Variants in C12orf54 observed in about 807,000 individuals in gnomAD.
The protein encoded by C12orf54 is uncharacterized protein C12orf54.
Under a neutral mutation model 26.4 loss-of-function variants are expected in C12orf54, and 24 were observed. The ratio of observed to expected loss-of-function variants is 0.91; its 90% CI spans 0.66 to 1.28. C12orf54 has a LOEUF of 1.28. C12orf54 is among the 50% of genes most tolerant of loss of function. C12orf54 has a pLI of 0.00. For synonymous variants in C12orf54, 54 were observed against 47.0 expected, an observed-to-expected ratio of 1.15 and a Z score of -0.61; for missense variants, 154 against 150.9, an observed-to-expected ratio of 1.02 and a Z score of -0.11.
Position 48,494,877 on chromosome 12 carries a change from G to A in C12orf54, c.322G>A (p.Gly108Ser), listed in dbSNP as rs1427188756. The A allele has an allele frequency of 3.1e-6, 5 of 1,613,132 alleles. No individual in the cohort carries two copies. Among genetic ancestry groups the A allele is most frequent in the East Asian group, 4.5e-5 (2 of 44,890 alleles). ...CAGCTCTGGAGAGCAGCCATCAGGA[G>A]GCCGTATCCACAACCTGAAGACACA... ...QFSSGEQPSG[G>S]RIHNLKTQLF... Residue 108 changes from glycine to serine, a missense_variant, in exon 8 of 9, where the codon GGC becomes AGC. Gly to Ser is a moderately conservative substitution (Grantham distance 56, BLOSUM62 0). Transcript: ENST00000548364.
At chr12:48,465,957 G>T in the C12orf54 span, among the ~76,000 whole-genome samples, 9 of 152,004 alleles carry the variant, frequency 5.9e-5, no homozygotes, top group East Asian at 1.7e-3. Context: ...AGAACTAAAA[G>T]TAAAGCCTAA....
At chr12:48,454,473 G>A in the C12orf54 span, among the ~76,000 whole-genome samples, 3 of 152,100 alleles carry the variant, frequency 2.0e-5, no homozygotes, top group African/African-American at 4.8e-5. Flanking sequence ...GAAAAAAGAT[G>A]AAGACTATCA....
At chr12:48,451,376 C>A in the C12orf54 span, among the ~76,000 whole-genome samples, 1 of 152,032 alleles carries the variant, frequency 6.6e-6, no homozygotes, top group South Asian at 2.1e-4. Context: ...AACCCACAGC[C>A]AATATCATAC....
At chr12:48,468,979 G>C in the C12orf54 span, among the ~76,000 whole-genome samples, 1 of 152,184 alleles carries the variant, frequency 6.6e-6, no homozygotes, top group African/African-American at 2.4e-5. Flanking sequence ...AGGTGTGGGA[G>C]TGTATGAATA....
At chr12:48,414,456 G>T in the C12orf54 span, among the ~76,000 whole-genome samples, 5 of 152,214 alleles carry the variant, frequency 3.3e-5, no homozygotes, top group Admixed American at 2.0e-4. Flanking sequence ...TTGGATAAAG[G>T]CTAGTGTGTT....
At chr12:48,458,038 G>C in the C12orf54 span, among the ~76,000 whole-genome samples, 1 of 152,218 alleles carries the variant, frequency 6.6e-6, no homozygotes, top group African/African-American at 2.4e-5. Flanking sequence ...TGAAGGCAAG[G>C]GTGGCCTGTG....
the C12orf54 span, among the ~76,000 whole-genome samples, chr12:48,416,665 C>A: frequency 6.6e-6 from 1 of 152,064 alleles, no homozygotes; most frequent in Non-Finnish European, 1.5e-5. Context: ...AGTTTGAGAC[C>A]AGCCTGGCCA....
At chr12:48,435,448 A>T in the C12orf54 span, among the ~76,000 whole-genome samples, 4 of 152,234 alleles carry the variant, frequency 2.6e-5, no homozygotes, top group Admixed American at 2.6e-4. Context: ...CAACTCCAAG[A>T]CATATAATTG....
At chr12:48,467,088 A>C in the C12orf54 span, among the ~76,000 whole-genome samples, 4 of 152,202 alleles carry the variant, frequency 2.6e-5, no homozygotes, top group East Asian at 3.8e-4. Context: ...AAGGATATCA[A>C]GATAAGATCA....
chr12:48,485,343 TG>T (rs1954248012), intron 2 of C12orf54, among the ~76,000 whole-genome samples: 2 of 152,190 alleles, frequency 1.3e-5, no homozygotes, highest in African/African-American at 4.8e-5. Context: ...TTGCCCAAGC[TG>T]GTCTTGAACT....
chr12:48,492,848 C>T, intron 6 of C12orf54, 99 bp from the exon 7 acceptor site: 1 of 1,082,274 alleles, frequency 9.2e-7, no homozygotes, highest in Non-Finnish European at 1.4e-6. Context: ...TGGACCCTCC[C>T]ACTTTGACTA....
chr12:48,457,746 G>A, the C12orf54 span, among the ~76,000 whole-genome samples: 3 of 152,118 alleles, frequency 2.0e-5, no homozygotes, highest in African/African-American at 4.8e-5. Flanking sequence ...TGCCTCCTTG[G>A]CTTTGGGTCC....
At chr12:48,448,590 C>T in the C12orf54 span, among the ~76,000 whole-genome samples, 1 of 152,218 alleles carries the variant, frequency 6.6e-6, no homozygotes, top group Non-Finnish European at 1.5e-5. Context: ...TAGACAAGCA[C>T]ATCATCTTCA....
chr12:48,486,963 G>A (rs1396521127), intron 4 of C12orf54, among the ~76,000 whole-genome samples: 5 of 152,164 alleles, frequency 3.3e-5, no homozygotes, highest in Non-Finnish European at 7.3e-5. Context: ...AGCTGTCACA[G>A]GTCCTGTTTG....
chr12:48,437,409 GCAT>G, the C12orf54 span, among the ~76,000 whole-genome samples: 1 of 152,294 alleles, frequency 6.6e-6, no homozygotes, highest in Non-Finnish European at 1.5e-5. Flanking sequence ...TGTGAGGCCA[GCAT>G]CATCCTCATA....
the C12orf54 span, among the ~76,000 whole-genome samples, chr12:48,461,471 A>C: frequency 6.6e-6 from 1 of 151,904 alleles, no homozygotes; most frequent in East Asian, 1.9e-4. Flanking sequence ...TTTCTGAGAG[A>C]GACCACATTC....
chr12:48,483,564 GA>G, intron 2 of C12orf54: 1 of 526,932 alleles, frequency 1.9e-6, no homozygotes. Flanking sequence ...TTTTAATTTA[GA>G]AATCAGGCAT....
chr12:48,471,047 ATAG>A, the C12orf54 span, among the ~76,000 whole-genome samples: 1 of 152,130 alleles, frequency 6.6e-6, no homozygotes, highest in Non-Finnish European at 1.5e-5. Flanking sequence ...GTGCTATCAA[ATAG>A]TAGGTCTTAT....
chr12:48,473,014 G>A, the C12orf54 span: 1 of 1,614,144 alleles, frequency 6.2e-7, no homozygotes, highest in Middle Eastern at 1.7e-4. Flanking sequence ...AACCTCGAGA[G>A]CTTAGACCTT....
Sources: gnomAD v4.1 joint callset for allele counts (sites outside exome capture counted in the v4.1 genomes callset) on GRCh38, gnomAD v4.1.1 for gene constraint, MANE v1.5 for transcripts, NCBI Gene and HGNC (gene_info 2026-07-23, HGNC 2026-07-21) for gene names.